FBN1: variants seen among roughly 807,000 people sequenced by gnomAD.
FBN1 encodes fibrillin-1.
FBN1 carries 29 observed loss-of-function variants against 365.1 expected under a neutral mutation model. That is an observed-to-expected ratio of 0.08 (90% CI 0.06 to 0.11). The LOEUF is 0.11. Among genes scored for constraint, FBN1 ranks in the 10% least tolerant of loss-of-function variants. The probability of loss-of-function intolerance (pLI) is 1.00; values close to 1 mark genes in which losing one functional copy is unlikely to be tolerated. For missense variants in FBN1, 2,476 were observed against 3,703.2 expected (o/e 0.67, Z 8.60); for synonymous variants, 1,210 against 1,270.5 (o/e 0.95, Z 1.01).
At chr15:48,637,312 G>C (rs1890111338) in intron 2 of FBN1, among the ~76,000 whole-genome samples, 1 of 152,106 alleles carries the variant, frequency 6.6e-6, no homozygotes, top group South Asian at 2.1e-4. Flanking sequence ...TCCTATCTTA[G>C]AATCCTTTAC....
Position 48,644,765 on chromosome 15 carries a change from C to G in FBN1, c.5G>C (p.Arg2Pro). 6.2e-7 allele frequency: 1 copy of G among 1,608,982 alleles called. No homozygotes were observed. Among genetic ancestry groups the G allele is most frequent in the Non-Finnish European group, 8.5e-7 (1 of 1,179,698 alleles). Reference sequence around the variant, plus strand: ...GGCGATCTCCAGCAGACGCCCTCGACGCATGATGCCGAGCCGCCACCGGCT... The same window carrying G: ...GGCGATCTCCAGCAGACGCCCTCGAGGCATGATGCCGAGCCGCCACCGGCT... Reference protein sequence around the residue: MRRGRLLEIALG... With the variant: MPRGRLLEIALG... Residue 2 changes from arginine to proline, a missense_variant, in exon 2 of 66, where the codon CGT (arginine) becomes CCT (proline). Around this residue, in one of 5 missense-constraint regions of FBN1, gnomAD observed 76 missense variants for 85.4 expected, o/e 0.89. Transcript: ENST00000316623.
At chr15:48,598,054 T>A (rs138979963) in intron 5 of FBN1, among the ~76,000 whole-genome samples, 2 of 152,200 alleles carry the variant, frequency 1.3e-5, no homozygotes, top group African/African-American at 4.8e-5. Context: ...TTAGGACTTG[T>A]CTTCCTGCTC....
intron 2 of FBN1, among the ~76,000 whole-genome samples, chr15:48,630,116 C>T (rs1223033610): frequency 1.3e-5 from 2 of 152,198 alleles, no homozygotes; most frequent in Admixed American, 1.3e-4. Flanking sequence ...CATGTCGGTC[C>T]AGGGGATGGA....
At position 48,637,881 on chromosome 15, in the gene FBN1, G is replaced by A. The variant is rs1890122701; in HGVS notation, c.164+6725C>T. On this transcript the variant is annotated intron_variant, in intron 2 of 65. Transcript: ENST00000316623. ...CAAAGAGCAAATGTTTCAGTTTTATGGGCCATACTGTCTCTGTTGCAACTA... is the reference window on the plus strand; with the variant it reads ...CAAAGAGCAAATGTTTCAGTTTTATAGGCCATACTGTCTCTGTTGCAACTA... 2.6e-5 allele frequency among the ~76,000 whole-genome samples: 4 copies of A among 152,248 alleles called. No individual in the cohort carries two copies. The South Asian group carries it at 8.3e-4, about 32-fold the overall frequency.
At chr15:48,644,423 T>C (rs962185209) in intron 2 of FBN1, 183 bp downstream of exon 2, 18 of 775,642 alleles carry the variant, frequency 2.3e-5, no homozygotes, top group Non-Finnish European at 3.8e-5. Flanking sequence ...GGCAGAAATC[T>C]CTGGGAGTAG....
chr15:48,551,798 C>T (rs568382693), intron 6 of FBN1, among the ~76,000 whole-genome samples: 1 of 152,278 alleles, frequency 6.6e-6, no homozygotes, highest in South Asian at 2.1e-4. Flanking sequence ...TGTTAGTTTG[C>T]TAAGTATAGT....
intron 46 of FBN1, 21 bp from the exon 47 acceptor site, chr15:48,446,843 A>G: frequency 6.8e-7 from 1 of 1,476,910 alleles, no homozygotes; most frequent in South Asian, 1.1e-5. Context: ...GAAAGGCCAT[A>G]AAGAAACATA....
intron 32 of FBN1, among the ~76,000 whole-genome samples, chr15:48,481,053 T>G (rs2043461230): frequency 6.6e-6 from 1 of 152,220 alleles, no homozygotes; most frequent in Non-Finnish European, 1.5e-5. Flanking sequence ...ACAAATATTG[T>G]GAAAACATTT....
chr15:48,588,723 G>A (rs1189663987), intron 6 of FBN1, among the ~76,000 whole-genome samples: 1 of 152,180 alleles, frequency 6.6e-6, no homozygotes, highest in African/African-American at 2.4e-5. Flanking sequence ...TGCATATCAA[G>A]AGTATTCAAA....
At chr15:48,420,571 T>A in intron 63 of FBN1, 116 bp downstream of exon 63, 1 of 1,414,888 alleles carries the variant, frequency 7.1e-7, no homozygotes, top group Non-Finnish European at 9.9e-7. Flanking sequence ...GTTAGGGCAA[T>A]TTTAAATGAG....
intron 10 of FBN1, among the ~76,000 whole-genome samples, chr15:48,519,318 TG>T (rs1400862122): frequency 6.6e-6 from 1 of 152,218 alleles, no homozygotes; most frequent in Non-Finnish European, 1.5e-5. Flanking sequence ...TATGCTCAAT[TG>T]GTGGGAAAGA....
At chr15:48,581,889 C>A (rs2044394958) in intron 6 of FBN1, among the ~76,000 whole-genome samples, 1 of 152,182 alleles carries the variant, frequency 6.6e-6, no homozygotes, top group Non-Finnish European at 1.5e-5. Flanking sequence ...CATTCCTAGA[C>A]ACCTGCCTTA....
At chr15:48,570,229 T>C (rs2044296204) in intron 6 of FBN1, among the ~76,000 whole-genome samples, 1 of 152,214 alleles carries the variant, frequency 6.6e-6, no homozygotes, top group African/African-American at 2.4e-5. Flanking sequence ...TCCTGTTTTT[T>C]AGAAGCCATT....
intron 14 of FBN1, among the ~76,000 whole-genome samples, chr15:48,509,499 A>T (rs908196870): frequency 2.0e-5 from 3 of 147,818 alleles, no homozygotes; most frequent in Admixed American, 1.4e-4. Context: ...TTAGATATAT[A>T]TTATTTATAT....
At chr15:48,565,845 G>A (rs2044255615) in intron 6 of FBN1, among the ~76,000 whole-genome samples, 1 of 152,096 alleles carries the variant, frequency 6.6e-6, no homozygotes, top group South Asian at 2.1e-4. Flanking sequence ...AATTCCTGGG[G>A]CAAGAGTCTG....
chr15:48,485,649 G>T (rs2043500795), intron 29 of FBN1, among the ~76,000 whole-genome samples, 153 bp from the exon 30 acceptor site: 1 of 152,184 alleles, frequency 6.6e-6, no homozygotes, highest in Non-Finnish European at 1.5e-5. Flanking sequence ...TACCCTCATG[G>T]TGGGATCGGT....
chr15:48,633,096 C>T (rs1372152178), intron 2 of FBN1, among the ~76,000 whole-genome samples: 1 of 152,140 alleles, frequency 6.6e-6, no homozygotes, highest in East Asian at 1.9e-4. Flanking sequence ...GGCAGTTCTG[C>T]CTAGAATCAT....
At chr15:48,523,491 C>T (rs182703993) in intron 9 of FBN1, among the ~76,000 whole-genome samples, 1 of 152,260 alleles carries the variant, frequency 6.6e-6, no homozygotes, top group East Asian at 1.9e-4. Context: ...GGCACCTGCA[C>T]ATATAATAAT....
rs794728188 is a variant in FBN1, at chr15:48,497,332, G to A, written c.2227C>T (p.Arg743Cys). 1.2e-6 allele frequency: 2 copies of A among 1,613,820 alleles called. No individual in the cohort carries two copies. The highest frequency in any genetic ancestry group is 1.7e-6 in the Non-Finnish European group (2 of 1,179,772). ...TTGCATATACATTTATAGGTCCCAC[G>A]AAGGTTTTCACAGATTCCATTTGGG... ...ICPNGICENL[R>C]GTYKCICNSG... The change falls in exon 19 of 66, where the codon CGT (arginine) becomes TGT (cysteine). Residue 743 changes from arginine (R) to cysteine (C), a missense_variant. Arg to Cys is a radical substitution (Grantham distance 180, BLOSUM62 -3). Transcript: ENST00000316623.
Sources: gnomAD v4.1 joint callset for allele counts (sites outside exome capture counted in the v4.1 genomes callset) on GRCh38, gnomAD v4.1.1 for gene constraint, gnomAD v4.1.1 regional missense constraint, MANE v1.5 for transcripts, NCBI Gene and HGNC (gene_info 2026-07-23, HGNC 2026-07-21) for gene names.